CDC42BPA: variants seen among roughly 807,000 people sequenced by gnomAD.
CDC42BPA encodes CDC42 binding protein kinase alpha, also known as serine/threonine-protein kinase MRCK alpha.
CDC42BPA carries 80 observed loss-of-function variants against 223.5 expected under a neutral mutation model. The observed-to-expected ratio is 0.36, with a 90% CI of 0.30 to 0.43. CDC42BPA has a LOEUF of 0.43. CDC42BPA is among the 20% of genes least tolerant of loss of function. The pLI is 1.00. For synonymous variants in CDC42BPA, 694 were observed against 718.6 expected (o/e 0.97, Z 0.55); for missense variants, 1,743 against 2,099.9 (o/e 0.83, Z 3.32).
At chr1:227,012,104 AACTTTG>A (rs1437513666) in intron 34 of CDC42BPA, among the ~76,000 whole-genome samples, 2 of 152,192 alleles carry the variant, frequency 1.3e-5, no homozygotes, top group Non-Finnish European at 2.9e-5. Context: ...ACGTACATGA[AACTTTG>A]ACTTTAAGAA....
At chr1:227,148,890 T>C (rs1436200142) in intron 6 of CDC42BPA, among the ~76,000 whole-genome samples, 1 of 151,634 alleles carries the variant, frequency 6.6e-6, no homozygotes, top group East Asian at 1.9e-4. Context: ...CAAGAAATGC[T>C]TGAGAATCAG....
At chr1:227,155,818 G>A (rs1233753756) in intron 6 of CDC42BPA, among the ~76,000 whole-genome samples, 7 of 152,144 alleles carry the variant, frequency 4.6e-5, no homozygotes, top group East Asian at 1.9e-4. Flanking sequence ...AGGATTTAAC[G>A]AGGTATTGTG....
intron 6 of CDC42BPA, among the ~76,000 whole-genome samples, chr1:227,150,224 C>CAAAAAAAAA (rs35252773): frequency 7.3e-6 from 1 of 136,690 alleles, no homozygotes. Flanking sequence ...AACCCTGTCT[C>CAAAAAAAAA]AAAAAAAAAA....
At chr1:227,225,069 T>A (rs2147906779) in intron 2 of CDC42BPA, among the ~76,000 whole-genome samples, 1 of 152,320 alleles carries the variant, frequency 6.6e-6, no homozygotes, top group East Asian at 1.9e-4. Context: ...CATAATGGAC[T>A]TCTTTGGGGC....
In CDC42BPA at chr1:227,307,209, G is replaced by A. The variant is rs1692710919; in HGVS notation, c.178+9796C>T. Among the ~76,000 whole-genome samples, 3 of 152,088 alleles carry A rather than the reference G, an allele frequency of 2.0e-5. No individual in the cohort carries two copies. In the South Asian group the frequency reaches 6.2e-4, roughly 32 times the overall value. ...AGTCTCACTGTCCTTTCTTTGTAAA[G>A]ATATATACACCCCATGCAAAACTCC... On this transcript the variant is annotated intron_variant, in intron 1 of 36. Transcript: ENST00000366766.
intron 5 of CDC42BPA, among the ~76,000 whole-genome samples, chr1:227,172,250 A>G (rs550278891): frequency 6.6e-6 from 1 of 152,328 alleles, no homozygotes; most frequent in African/African-American, 2.4e-5. Context: ...TTGAGAAAAC[A>G]GTTATTCAAA....
At chr1:227,266,012 TAAAC>T (rs1684935487) in intron 1 of CDC42BPA, among the ~76,000 whole-genome samples, 1 of 152,204 alleles carries the variant, frequency 6.6e-6, no homozygotes, top group Non-Finnish European at 1.5e-5. Flanking sequence ...GTAAGTTACT[TAAAC>T]AAATGAATAT....
chr1:227,211,995 G>C (rs1164899989), intron 3 of CDC42BPA, among the ~76,000 whole-genome samples: 2 of 151,994 alleles, frequency 1.3e-5, no homozygotes, highest in Admixed American at 6.6e-5. Context: ...GATGGACTTG[G>C]GTGGTGAAAG....
intron 10 of CDC42BPA, among the ~76,000 whole-genome samples, chr1:227,137,272 C>T (rs1658761486): frequency 6.6e-6 from 1 of 152,042 alleles, no homozygotes; most frequent in South Asian, 2.1e-4. Flanking sequence ...GATATTCAAC[C>T]TCATTATTCA....
In CDC42BPA at chr1:227,318,049, T is replaced by C. The variant is rs1264315920; in HGVS notation, c.-867A>G. On this transcript the variant is annotated 5_prime_UTR_variant, in exon 1 of 37. Transcript: ENST00000366766. The stretch of plus-strand genomic sequence containing the variant: ...GCCGCCCGAGCCCACTCCATGTCGG[T>C]GGTCGCTCGTGGGCCGAGCCGCGCC... 1.3e-5 allele frequency: 4 copies of C among 313,504 alleles called. No individual in the cohort carries two copies. Among genetic ancestry groups the C allele is most frequent in the Admixed American group, 1.0e-4 (2 of 19,998 alleles). 19.4% of individuals were successfully genotyped at this position (313,504 alleles called of 1,614,324 possible). A position where few individuals can be genotyped will look rare whatever the true frequency, so the allele number is the denominator to read the frequency against.
chr1:227,209,512 T>C (rs1298859061), intron 3 of CDC42BPA, among the ~76,000 whole-genome samples: 1 of 139,108 alleles, frequency 7.2e-6, no homozygotes, highest in Non-Finnish European at 1.5e-5. Context: ...ATAGCTCTTA[T>C]TATTTTGAAA....
intron 4 of CDC42BPA, among the ~76,000 whole-genome samples, chr1:227,197,186 A>C (rs182761931): frequency 1.8e-4 from 28 of 152,310 alleles, no homozygotes; most frequent in Non-Finnish European, 3.2e-4. Context: ...AAAAGCTATC[A>C]GGGTTAAAAG....
chr1:227,263,230 T>TCAAA (rs554018275), intron 1 of CDC42BPA, among the ~76,000 whole-genome samples: 4 of 152,264 alleles, frequency 2.6e-5, no homozygotes, highest in East Asian at 1.9e-4. Context: ...AGACTCTGTC[T>TCAAA]CAAACAAACA....
chr1:227,206,995 C>T (rs12738071), intron 3 of CDC42BPA, among the ~76,000 whole-genome samples: 1 of 148,978 alleles, frequency 6.7e-6, no homozygotes, highest in African/African-American at 2.5e-5. Context: ...GTTTGTTACA[C>T]ATGTATACAT....
intron 1 of CDC42BPA, among the ~76,000 whole-genome samples, chr1:227,257,791 G>A (rs12079173): frequency 0.17 from 26,084 of 149,980 alleles, 2,694 homozygotes; most frequent in Middle Eastern, 0.2. Context: ...AAAATCACAC[G>A]CAAGTTTGAC....
chr1:227,173,594 A>G (rs924286997), intron 5 of CDC42BPA, among the ~76,000 whole-genome samples: 5 of 152,154 alleles, frequency 3.3e-5, no homozygotes, highest in Non-Finnish European at 7.3e-5. Flanking sequence ...AAAACTATAA[A>G]AACTAAAGGC....
intron 32 of CDC42BPA, among the ~76,000 whole-genome samples, chr1:227,017,966 A>G (rs1666621114): frequency 1.3e-5 from 2 of 151,836 alleles, no homozygotes; most frequent in African/African-American, 4.8e-5. Context: ...ATGCAACATG[A>G]TCCTCGTGGC....
At chr1:227,029,816 AT>A (rs1027549059) in intron 29 of CDC42BPA, among the ~76,000 whole-genome samples, 1 of 151,942 alleles carries the variant, frequency 6.6e-6, no homozygotes, top group African/African-American at 2.4e-5. Context: ...AGTTGTATAT[AT>A]TTTTTTTCAT....
Position 227,028,822 on chromosome 1 carries a change from T to TAATAA in CDC42BPA, c.4266_4267insTTATT (p.Thr1423LeufsTer48). On this transcript the variant is annotated frameshift_variant, in exon 30 of 37. Coordinates refer to ENST00000366766, the MANE Select transcript of CDC42BPA (RefSeq NM_001394014.1). LOFTEE classifies it high-confidence loss of function. ...GGTTGATGTGCAATAAATGATAGTGTATGGTCATTTGAATGGAGCATACTG... is the reference window on the plus strand; with the variant it reads ...GGTTGATGTGCAATAAATGATAGTGTAATAAATGGTCATTTGAATGGAGCATACTG... The TAATAA allele has an allele frequency of 6.2e-7, 1 of 1,614,120 alleles. No individual in the cohort carries two copies. Among genetic ancestry groups the TAATAA allele is most frequent in the Non-Finnish European group, 8.5e-7 (1 of 1,179,970 alleles).
Sources: gnomAD v4.1 joint callset for allele counts (sites outside exome capture counted in the v4.1 genomes callset) on GRCh38, gnomAD v4.1.1 for gene constraint, MANE v1.5 for transcripts, NCBI Gene and HGNC (gene_info 2026-07-23, HGNC 2026-07-21) for gene names.